The following CPA6 variants were observed in gnomAD, a reference collection of about 807,000 sequenced individuals.
CPA6 encodes the protein carboxypeptidase A6.
A neutral mutation model predicts 63.3 loss-of-function variants in CPA6; 58 were observed. The ratio of observed to expected loss-of-function variants is 0.92; its 90% CI spans 0.74 to 1.14. The LOEUF is 1.14. Ranked by LOEUF, CPA6 falls within the 50% of genes most tolerant of loss-of-function variation. The pLI is 0.00. For synonymous variants in CPA6, 185 were observed against 179.0 expected, an observed-to-expected ratio of 1.03 and a Z score of -0.27; for missense variants, 565 against 526.6, an observed-to-expected ratio of 1.07 and a Z score of -0.71.
rs74433565 is a variant in CPA6, at chr8:67,692,484, C to T, written c.116+53530G>A. Among the ~76,000 whole-genome samples the T allele has an allele frequency of 8.5e-3, 1,293 of 152,230 alleles. 11 individuals carry two copies. The highest frequency in any genetic ancestry group is 0.014 in the Non-Finnish European group (934 of 68,024). ...TAACATAATACATTTCACCACTCTG[C>T]TATTTTATTGAAGATTCTCTGTAAA... On this transcript the variant is annotated intron_variant, in intron 1 of 10. Coordinates refer to ENST00000297770, the MANE Select transcript of CPA6 (RefSeq NM_020361.5).
intron 1 of CPA6, among the ~76,000 whole-genome samples, chr8:67,640,885 C>T (rs937564641): frequency 1.3e-5 from 2 of 151,692 alleles, no homozygotes; most frequent in African/African-American, 4.9e-5. Flanking sequence ...CCTGTGAATT[C>T]TGGCTGTGCC....
At chr8:67,666,534 C>T (rs1330723243) in intron 1 of CPA6, among the ~76,000 whole-genome samples, 3 of 152,114 alleles carry the variant, frequency 2.0e-5, no homozygotes, top group African/African-American at 7.2e-5. Context: ...CAGAAAGTTC[C>T]CCTTGGCTCC....
intron 2 of CPA6, among the ~76,000 whole-genome samples, chr8:67,522,142 C>G (rs1247060609): frequency 6.6e-6 from 1 of 152,122 alleles, no homozygotes; most frequent in East Asian, 1.9e-4. Flanking sequence ...TTCCTTGATG[C>G]CTTTTAGCTA....
chr8:67,532,425 C>T (rs1287919429), intron 2 of CPA6, among the ~76,000 whole-genome samples: 2 of 152,142 alleles, frequency 1.3e-5, no homozygotes, highest in Admixed American at 6.5e-5. Flanking sequence ...CATCTGTAGT[C>T]CCAACAATTT....
chr8:67,510,587 T>C (rs1812022170), intron 4 of CPA6, among the ~76,000 whole-genome samples: 1 of 152,208 alleles, frequency 6.6e-6, no homozygotes, highest in Non-Finnish European at 1.5e-5. Flanking sequence ...TATGTGGAGA[T>C]AATTTTGAAA....
At chr8:67,456,419 G>T (rs902103239) in intron 8 of CPA6, among the ~76,000 whole-genome samples, 1 of 152,126 alleles carries the variant, frequency 6.6e-6, no homozygotes, top group Non-Finnish European at 1.5e-5. Flanking sequence ...TTGGTACATT[G>T]TCTCAATTTC....
intron 1 of CPA6, among the ~76,000 whole-genome samples, chr8:67,713,967 T>C (rs939506822): frequency 6.6e-6 from 1 of 152,216 alleles, no homozygotes; most frequent in Non-Finnish European, 1.5e-5. Context: ...CAGATATATA[T>C]GAATTTTAAT....
intron 2 of CPA6, among the ~76,000 whole-genome samples, chr8:67,586,690 C>CT (rs890107288): frequency 1.3e-5 from 2 of 151,984 alleles, no homozygotes; most frequent in African/African-American, 4.8e-5. Flanking sequence ...AAATATAGAG[C>CT]TTTTTTCATG....
chr8:67,448,786 T>C (rs1020360448), intron 8 of CPA6, among the ~76,000 whole-genome samples: 6 of 151,988 alleles, frequency 3.9e-5, no homozygotes, highest in Non-Finnish European at 8.8e-5. Context: ...ATTTTATCAC[T>C]TTATTTTTTT....
Position 67,422,325 on chromosome 8 carries a change from C to A in CPA6, c.*179G>T, listed in dbSNP as rs142789303. The A allele has an allele frequency of 2.8e-4, 134 of 472,248 alleles. No individual in the cohort carries two copies. Among genetic ancestry groups the A allele is most frequent in the Middle Eastern group, 1.1e-3 (2 of 1,792 alleles). The allele number at this position is 472,248 out of a possible 1,614,324, so 29.3% of individuals were successfully genotyped here. ...ATGCTTTTTCTTATAACAAACTAGG[C>A]TATGCCCTGTTTTTTACTGTTTTCT... On this transcript the variant is annotated 3_prime_UTR_variant, in exon 11 of 11. Coordinates refer to ENST00000297770, the MANE Select transcript of CPA6 (RefSeq NM_020361.5).
At chr8:67,678,087 G>A (rs1816515658) in intron 1 of CPA6, among the ~76,000 whole-genome samples, 1 of 152,080 alleles carries the variant, frequency 6.6e-6, no homozygotes, top group Non-Finnish European at 1.5e-5. Flanking sequence ...AATTAGCTGA[G>A]TGTGGTGGTG....
chr8:67,710,410 C>A (rs865933945), intron 1 of CPA6, among the ~76,000 whole-genome samples: 4 of 148,712 alleles, frequency 2.7e-5, no homozygotes, highest in Non-Finnish European at 3.0e-5. Flanking sequence ...CCCACCCCCC[C>A]CCAACCCCCC....
chr8:67,440,192 C>T (rs1210436235), intron 8 of CPA6, among the ~76,000 whole-genome samples: 1 of 152,318 alleles, frequency 6.6e-6, no homozygotes, highest in Middle Eastern at 3.4e-3. Context: ...TTCCTTGCCT[C>T]TTCCTAGCTT....
chr8:67,503,511 T>C (rs1221063514), intron 6 of CPA6, among the ~76,000 whole-genome samples: 1 of 150,904 alleles, frequency 6.6e-6, no homozygotes, highest in Non-Finnish European at 1.5e-5. Context: ...TCTCACTATG[T>C]TGCCCAGGCT....
intron 8 of CPA6, among the ~76,000 whole-genome samples, chr8:67,449,228 G>A (rs1440116416): frequency 6.6e-6 from 1 of 152,084 alleles, no homozygotes; most frequent in Admixed American, 6.5e-5. Flanking sequence ...CTCCAGCCTG[G>A]GTGACACAGC....
intron 2 of CPA6, among the ~76,000 whole-genome samples, chr8:67,620,650 T>C (rs921296067): frequency 2.0e-5 from 3 of 152,208 alleles, no homozygotes; most frequent in African/African-American, 7.2e-5. Flanking sequence ...CTGGCCAGAA[T>C]TGCTGCTTTC....
At chr8:67,742,032 T>G (rs570028376) in intron 1 of CPA6, among the ~76,000 whole-genome samples, 1 of 152,150 alleles carries the variant, frequency 6.6e-6, no homozygotes, top group Non-Finnish European at 1.5e-5. Context: ...TCAGAGGGCA[T>G]TCACTCTGTT....
rs781233607 is a variant in CPA6 at position 67,422,487 on chromosome 8, C to T, written c.*17G>A. ...TGCTCAGAATCCTATGGCAGTTGAC[C>T]TGAGCCTTGGGCTGTCTCAGGGACA... is the stretch of plus-strand genomic sequence containing the variant. On this transcript the variant is annotated 3_prime_UTR_variant, in exon 11 of 11. Transcript: ENST00000297770. The T allele has an allele frequency of 1.9e-6, 3 of 1,608,242 alleles. No individual in the cohort carries two copies. Among genetic ancestry groups the T allele is most frequent in the Non-Finnish European group, 2.6e-6 (3 of 1,176,318 alleles).
At chr8:67,735,494 T>G (rs1200134169) in intron 1 of CPA6, 2 of 152,224 alleles carry the variant, frequency 1.3e-5, no homozygotes, top group Admixed American at 6.5e-5. Context: ...AGTCTTTTAC[T>G]TAATTCCTTA....
Sources: gnomAD v4.1 joint callset for allele counts (sites outside exome capture counted in the v4.1 genomes callset) on GRCh38, gnomAD v4.1.1 for gene constraint, MANE v1.5 for transcripts, NCBI Gene and HGNC (gene_info 2026-07-23, HGNC 2026-07-21) for gene names.